The following NLRP14 variants were observed in gnomAD, a reference collection of about 807,000 sequenced individuals.
NLRP14 encodes NACHT, LRR and PYD domains-containing protein 14.
Under a neutral mutation model 94.7 loss-of-function variants are expected in NLRP14, and 105 were observed. The ratio of observed to expected loss-of-function variants is 1.11; its 90% CI spans 0.95 to 1.30. The LOEUF (loss-of-function observed/expected upper bound fraction) is 1.30. Ranked by LOEUF, NLRP14 falls within the 50% of genes most tolerant of loss-of-function variation. The probability of loss-of-function intolerance (pLI) is 0.00; values close to 1 mark genes in which losing one functional copy is unlikely to be tolerated. For synonymous variants in NLRP14, 508 were observed against 459.9 expected (o/e 1.10, Z -1.34); for missense variants, 1,362 against 1,254.1 (o/e 1.09, Z -1.30).
chr11:7,047,999 ATC>A (rs943718636), intron 5 of NLRP14, among the ~76,000 whole-genome samples: 4 of 151,770 alleles, frequency 2.6e-5, no homozygotes, highest in Admixed American at 2.6e-4. Flanking sequence ...ACCTCAAGTG[ATC>A]TACCCATCTT....
rs370648665 is a variant in NLRP14, at chr11:7,054,895, G to A, written c.2292-2782G>A. The stretch of plus-strand genomic sequence containing the variant: ...TCTTTGCCCAGTCCAATGTCCTGGA[G>A]CATTTCCCCTATGTTTTACTTTAAT... On this transcript the variant is annotated intron_variant, in intron 6 of 11. Coordinates refer to ENST00000299481, the MANE Select transcript of NLRP14 (RefSeq NM_176822.4). Among the ~76,000 whole-genome samples, 11 of 152,186 alleles carry A rather than the reference G, an allele frequency of 7.2e-5. No individual in the cohort carries two copies. In the East Asian group the frequency reaches 1.3e-3, roughly 19 times the overall value.
chr11:7,081,353 G>T, the NLRP14 span, among the ~76,000 whole-genome samples: 1 of 152,114 alleles, frequency 6.6e-6, no homozygotes, highest in Non-Finnish European at 1.5e-5. Context: ...TGTTGGTCTT[G>T]CAAGGCAGAG....
At chr11:7,070,944 AT>A (rs1467512771) in intron 11 of NLRP14, among the ~76,000 whole-genome samples, 1 of 152,070 alleles carries the variant, frequency 6.6e-6, no homozygotes, top group Non-Finnish European at 1.5e-5. Context: ...TTTAATTTTA[AT>A]TGGTTTCTCT....
At chr11:7,070,557 A>T in intron 11 of NLRP14, 101 bp downstream of exon 11, 1 of 784,974 alleles carries the variant, frequency 1.3e-6, no homozygotes, top group Non-Finnish European at 2.2e-6. Flanking sequence ...ATTGTGTATC[A>T]TTGGGTATTT....
chr11:7,030,014 C>T (rs997415872), intron 1 of NLRP14, among the ~76,000 whole-genome samples: 6 of 152,144 alleles, frequency 3.9e-5, no homozygotes, highest in Non-Finnish European at 8.8e-5. Flanking sequence ...ATGAAGAGTC[C>T]AGCTGAAGAA....
intron 10 of NLRP14, among the ~76,000 whole-genome samples, chr11:7,069,171 T>C (rs964703591): frequency 1.3e-5 from 2 of 152,236 alleles, no homozygotes; most frequent in African/African-American, 4.8e-5. Flanking sequence ...CCTGATGAAT[T>C]CATGATAACA....
At chr11:7,022,132 G>A (rs1851953899) in intron 1 of NLRP14, among the ~76,000 whole-genome samples, 2 of 152,158 alleles carry the variant, frequency 1.3e-5, no homozygotes, top group African/African-American at 2.4e-5. Flanking sequence ...AGGGGTGCCC[G>A]GCCTAGAGCC....
intron 4 of NLRP14, among the ~76,000 whole-genome samples, chr11:7,044,958 G>A (rs1565017879): frequency 6.6e-6 from 1 of 152,122 alleles, no homozygotes; most frequent in African/African-American, 2.4e-5. Flanking sequence ...TCTTCTGATA[G>A]TCTTATTAGG....
chr11:7,022,937 T>C (rs1283251673), intron 1 of NLRP14, among the ~76,000 whole-genome samples: 1 of 152,164 alleles, frequency 6.6e-6, no homozygotes, highest in Non-Finnish European at 1.5e-5. Context: ...ATACAATGTC[T>C]GATAATTCAC....
chr11:7,058,561 T>G, intron 8 of NLRP14, 111 bp downstream of exon 8: 1 of 798,476 alleles, frequency 1.3e-6, no homozygotes, highest in East Asian at 2.7e-5. Context: ...CCTGTTACCC[T>G]TAATGAAGAA....
the NLRP14 span, chr11:7,090,196 C>T: frequency 3.2e-5 from 51 of 1,612,996 alleles, no homozygotes; most frequent in Non-Finnish European, 4.3e-5. Context: ...AGGGGCTGCC[C>T]TCCCCAGCGT....
At chr11:7,080,239 G>T in the NLRP14 span, among the ~76,000 whole-genome samples, 1 of 152,216 alleles carries the variant, frequency 6.6e-6, no homozygotes, top group Non-Finnish European at 1.5e-5. Context: ...GTGTGGGTCT[G>T]CACTAATTCC....
chr11:7,079,819 T>C, the NLRP14 span, among the ~76,000 whole-genome samples: 1 of 152,092 alleles, frequency 6.6e-6, no homozygotes, highest in Admixed American at 6.6e-5. Context: ...TCTGTGTCTT[T>C]CCCCCATTGG....
chr11:7,074,363 G>A (rs1852846805), downstream of NLRP14, among the ~76,000 whole-genome samples: 1 of 152,348 alleles, frequency 6.6e-6, no homozygotes, highest in East Asian at 1.9e-4. Context: ...AGTCTTGCTA[G>A]TTAGAGGAAT....
At chr11:7,028,353 G>C (rs1852043621) in intron 1 of NLRP14, among the ~76,000 whole-genome samples, 1 of 151,958 alleles carries the variant, frequency 6.6e-6, no homozygotes, top group Non-Finnish European at 1.5e-5. Context: ...GCAAATTCTT[G>C]CAGTTCTATC....
chr11:7,049,763 G>A lies in NLRP14; in HGVS notation c.2216G>A (p.Ser739Asn). 1 of 1,610,006 alleles carries A rather than the reference G, an allele frequency of 6.2e-7. No individual in the cohort carries two copies. The highest frequency in any genetic ancestry group is 1.3e-5 in the African/African-American group (1 of 74,974). The change falls in exon 6 of 12, where the codon AGT becomes AAT. Residue 739 changes from serine (S) to asparagine (N), a missense_variant. Coordinates refer to ENST00000299481, the MANE Select transcript of NLRP14 (RefSeq NM_176822.4). ...KNLMHLDLKG[S>N]DIGDNGVKSL... is the part of the protein sequence containing the mutation. ...CTGATGCATCTTGACCTAAAAGGGA[G>A]TGATATAGGGGATAATGGAGTAAAG...
rs968182492 is a variant in NLRP14 at position 7,032,712 on chromosome 11, T to C, written c.-21-5854T>C. The stretch of plus-strand genomic sequence containing the variant: ...TACTTGTTAGCCATTTGCTTTTTGC[T>C]TTTTTTCCCCTTCTATGAATAGGCT... On this transcript the variant is annotated intron_variant, in intron 1 of 11. Transcript: ENST00000299481. Among the ~76,000 whole-genome samples the C allele has an allele frequency of 1.8e-4, 26 of 141,290 alleles. No individual in the cohort carries two copies. In the East Asian group the frequency reaches 5.0e-3, roughly 27 times the overall value. 92.7% of individuals were successfully genotyped at this position (141,290 alleles called of 152,430 possible).
chr11:7,033,886 T>A (rs1461018739), intron 1 of NLRP14, among the ~76,000 whole-genome samples: 1 of 152,196 alleles, frequency 6.6e-6, no homozygotes, highest in Non-Finnish European at 1.5e-5. Context: ...ACTAGGATGA[T>A]GGGTTTGGGG....
chr11:7,055,037 C>T (rs1852498537), intron 6 of NLRP14, among the ~76,000 whole-genome samples: 1 of 152,082 alleles, frequency 6.6e-6, no homozygotes, highest in Admixed American at 6.6e-5. Context: ...TCCAGTTTTC[C>T]CAGCACCATT....
Sources: gnomAD v4.1 joint callset for allele counts (sites outside exome capture counted in the v4.1 genomes callset) on GRCh38, gnomAD v4.1.1 for gene constraint, MANE v1.5 for transcripts, NCBI Gene and HGNC (gene_info 2026-07-23, HGNC 2026-07-21) for gene names.